Variants in KRT76 observed in about 807,000 individuals in gnomAD.
KRT76 encodes keratin, type II cytoskeletal 2 oral.
Under a neutral mutation model 44.9 loss-of-function variants are expected in KRT76, and 47 were observed. That is an observed-to-expected ratio of 1.05 (90% CI 0.83 to 1.33). KRT76 has a LOEUF of 1.33. Among genes scored for constraint, KRT76 ranks in the 40% most tolerant of loss-of-function variants. The pLI, the probability that KRT76 is intolerant of heterozygous loss-of-function variation, is 0.00. For missense variants in KRT76, 860 were observed against 775.8 expected (o/e 1.11, Z -1.29); for synonymous variants, 331 against 294.1 (o/e 1.13, Z -1.28).
At position 52,776,983 on chromosome 12, in the gene KRT76, A is replaced by G. The variant is rs762044056; in HGVS notation, c.309T>C (p.Gly103=). The change falls in exon 1 of 9, where the codon GGT becomes GGC. Residue 103 remains glycine (G), a synonymous_variant. Transcript: ENST00000332411. ...GYGGGFGGSY[G]GGFGGGRGVG... ...CTCCTCTGCCACCACCAAAGCCACC[A>G]CCATAGCTGCCCCCAAAGCCACCTC... The G allele has an allele frequency of 1.9e-6, 3 of 1,613,644 alleles. No individual in the cohort carries two copies. Among genetic ancestry groups the G allele is most frequent in the Non-Finnish European group, 1.7e-6 (2 of 1,179,822 alleles).
In KRT76 at chr12:52,768,619, A is replaced by G; in HGVS notation, c.*94T>C. On this transcript the variant is annotated 3_prime_UTR_variant, in exon 9 of 9. Transcript: ENST00000332411. Reference sequence around the variant, plus strand: ...GGGAACTTGAGGAAAAATGTGGTTGACCCTTATGCATCTATTGATGCCAAG... The same window carrying G: ...GGGAACTTGAGGAAAAATGTGGTTGGCCCTTATGCATCTATTGATGCCAAG... 11 of 1,394,088 alleles carry G rather than the reference A, an allele frequency of 7.9e-6. No individual in the cohort carries two copies. The highest frequency in any genetic ancestry group is 1.1e-5 in the Non-Finnish European group (11 of 1,027,644). 86.4% of individuals were successfully genotyped at this position (1,394,088 alleles called of 1,614,324 possible).
chr12:52,768,540 TG>T lies in KRT76; in HGVS notation c.*172del. The T allele has an allele frequency of 1.2e-5, 8 of 686,474 alleles. No homozygotes were observed. The highest frequency in any genetic ancestry group is 1.9e-5 in the Non-Finnish European group (8 of 414,270). The allele number at this position is 686,474 out of a possible 1,614,324, so 42.5% of individuals were successfully genotyped here. On this transcript the variant is annotated 3_prime_UTR_variant, in exon 9 of 9. Coordinates refer to ENST00000332411, the MANE Select transcript of KRT76 (RefSeq NM_015848.4). ...TCCCAGACCAGCAGCAGGACCTCCA[TG>T]GCCCTGGGAAGGTCATGGGGATGGA...
chr12:52,774,051 C>T (rs12317074), intron 2 of KRT76, among the ~76,000 whole-genome samples: 26,276 of 152,066 alleles, frequency 0.17, 2,828 homozygotes, highest in African/African-American at 0.3. Flanking sequence ...AGGCTGGTCT[C>T]GAACTGTTGG....
chr12:52,773,501 C>T, intron 3 of KRT76, 81 bp downstream of exon 3: 2 of 986,596 alleles, frequency 2.0e-6, no homozygotes, highest in Non-Finnish European at 3.2e-6. Flanking sequence ...CCCTGTGCCC[C>T]AGAACAGCTG....
At chr12:52,776,439 C>T (rs912063163) in intron 1 of KRT76, among the ~76,000 whole-genome samples, 5 of 152,202 alleles carry the variant, frequency 3.3e-5, no homozygotes, top group African/African-American at 1.2e-4. Flanking sequence ...CATGTTTGGA[C>T]CCCCACTTCA....
Position 52,771,904 on chromosome 12 carries a change from C to T in KRT76, c.1230G>A (p.Arg410=). 6.2e-7 allele frequency: 1 copy of T among 1,614,156 alleles called. No homozygotes were observed. The highest frequency in any genetic ancestry group is 1.3e-5 in the African/African-American group (1 of 75,046). ...TGACATTTTCAATCTCAGCCCGTAG[C>T]CTCTGGATCATCCTGTTGAGCTCCA... is the stretch of plus-strand genomic sequence containing the variant. ...EIMELNRMIQ[R]LRAEIENVKK... The change falls in exon 6 of 9, where the codon AGG becomes AGA. Residue 410 remains arginine (R), a synonymous_variant. Transcript: ENST00000332411.
chr12:52,769,555 A>G lies in KRT76; in HGVS notation c.1513T>C (p.Cys505Arg). Residue 505 changes from cysteine to arginine, a missense_variant, in exon 8 of 9, where the codon TGC (cysteine) becomes CGC (arginine). Coordinates refer to ENST00000332411, the MANE Select transcript of KRT76 (RefSeq NM_015848.4). ...RMSGECQSAV[C>R]ISVVSNVTST... is the part of the protein sequence containing the mutation. ...TTTTGAATGGGCTACTTACAAATGC[A>G]CACGGCACTCTGACATTCTCCAGAC... 1 of 1,613,956 alleles carries G rather than the reference A, an allele frequency of 6.2e-7. No individual in the cohort carries two copies. The highest frequency in any genetic ancestry group is 8.5e-7 in the Non-Finnish European group (1 of 1,179,812).
At position 52,777,181 on chromosome 12, in the gene KRT76, C is replaced by T. The variant is rs576741226; in HGVS notation, c.111G>A (p.Gly37=). The T allele has an allele frequency of 1.2e-6, 2 of 1,614,108 alleles. No individual in the cohort carries two copies. The highest frequency in any genetic ancestry group is 1.1e-5 in the South Asian group (1 of 91,090). Residue 37 remains glycine (G), a synonymous_variant, in exon 1 of 9, where the codon GGG becomes GGA. Transcript: ENST00000332411. ...AGCCACAGGCCCCTCCACCAGCTCC[C>T]CCAGAGCGGGCCACACAGCTCATCC... ...SSRMSCVARS[G]GAGGGACGFR...
intron 7 of KRT76, among the ~76,000 whole-genome samples, chr12:52,770,235 G>A (rs1939158496): frequency 6.6e-6 from 1 of 152,148 alleles, no homozygotes; most frequent in Non-Finnish European, 1.5e-5. Context: ...TAGTACACTT[G>A]ACATCACCTT....
At chr12:52,775,145 C>T (rs1939240855) in intron 2 of KRT76, among the ~76,000 whole-genome samples, 1 of 152,184 alleles carries the variant, frequency 6.6e-6, no homozygotes, top group African/African-American at 2.4e-5. Context: ...TCTGGGAGGA[C>T]TCTTTTGTCC....
rs1192761111 is a variant in KRT76 at position 52,771,066 on chromosome 12, T to G, written c.1417A>C (p.Asn473His). The part of the protein sequence containing the change: ...RLLRDYQELM[N>H]VKLALDVEIA... ...TCCACATCCAGGGCCAGCTTGACGT[T>G]CATCAGCTCCTGGTAGTCACGCAGG... The change falls in exon 7 of 9, where the codon AAC (asparagine) becomes CAC (histidine). Residue 473 changes from asparagine (N) to histidine (H), a missense_variant. By Grantham distance (68) the Asn-to-His change is moderately conservative (BLOSUM62 1). Coordinates refer to ENST00000332411, the MANE Select transcript of KRT76 (RefSeq NM_015848.4). 1.2e-6 allele frequency: 2 copies of G among 1,614,018 alleles called. No individual in the cohort carries two copies. Among genetic ancestry groups the G allele is most frequent in the African/African-American group, 2.7e-5 (2 of 74,912 alleles).
At chr12:52,770,292 A>C (rs978677982) in intron 7 of KRT76, among the ~76,000 whole-genome samples, 1 of 152,126 alleles carries the variant, frequency 6.6e-6, no homozygotes. Context: ...CCTCCATCAG[A>C]TTGGGAGCTA....
chr12:52,772,401 C>A (rs1307374553), intron 4 of KRT76, 143 bp from the exon 5 acceptor site: 1 of 755,410 alleles, frequency 1.3e-6, no homozygotes, highest in East Asian at 2.7e-5. Context: ...CTGGCTACAG[C>A]CTAAAGGATG....
In KRT76 at chr12:52,772,828, G is replaced by C; in HGVS notation, c.927C>G (p.Asp309Glu). The C allele has an allele frequency of 6.2e-7, 1 of 1,614,146 alleles. No homozygotes were observed. The highest frequency in any genetic ancestry group is 8.5e-7 in the Non-Finnish European group (1 of 1,179,974). The stretch of plus-strand genomic sequence containing the variant: ...GGAAGCTGACTTCATCTGTCAGGCT[G>C]TCCACTTTGGCCTGCAGCTCCACCT... ...MNKVELQAKV[D>E]SLTDEVSFLR... The change falls in exon 4 of 9, where the codon GAC becomes GAG. Residue 309 changes from aspartate (D) to glutamate (E), a missense_variant. Asp to Glu is a conservative substitution (Grantham distance 45, BLOSUM62 2). Coordinates refer to ENST00000332411, the MANE Select transcript of KRT76 (RefSeq NM_015848.4).
rs771746097 is a variant in KRT76, at chr12:52,772,080, G to C, written c.1137+14C>G. The C allele has an allele frequency of 6.2e-7, 1 of 1,607,090 alleles. No homozygotes were observed. Among genetic ancestry groups the C allele is most frequent in the South Asian group, 1.1e-5 (1 of 89,762 alleles). On this transcript the variant is annotated intron_variant, in intron 5 of 8. Coordinates refer to ENST00000332411, the MANE Select transcript of KRT76 (RefSeq NM_015848.4). ...AAGGTCATCAGGATCCAAGGACACA[G>C]GGAGGGTTCCCACCTTGGTCTGGTA...
chr12:52,775,655 G>A, intron 1 of KRT76, 53 bp from the exon 2 acceptor site: 4 of 1,420,650 alleles, frequency 2.8e-6, no homozygotes, highest in Non-Finnish European at 3.9e-6. Flanking sequence ...GGCATGTGGG[G>A]CTGCCCATCC....
chr12:52,771,969 T>G lies in KRT76; in HGVS notation c.1165A>C (p.Arg389=). The G allele has an allele frequency of 1.2e-6, 2 of 1,614,140 alleles. No homozygotes were observed. The highest frequency in any genetic ancestry group is 2.2e-5 in the South Asian group (2 of 91,038). Residue 389 remains arginine, a synonymous_variant, in exon 6 of 9, where the codon AGG becomes CGG. Coordinates refer to ENST00000332411, the MANE Select transcript of KRT76 (RefSeq NM_015848.4). ...GTGTTCCTCAGGTCATCCCCATGCC[T>G]GCCAGCTGTGGTCTGCAGCTCCCCA... ...KLGELQTTAG[R]HGDDLRNTKS...
At chr12:52,770,380 T>C (rs1424090276) in intron 7 of KRT76, among the ~76,000 whole-genome samples, 1 of 152,210 alleles carries the variant, frequency 6.6e-6, no homozygotes, top group African/African-American at 2.4e-5. Context: ...CTCTCAATTC[T>C]TGACACTCCT....
At chr12:52,774,597 A>T (rs1939232359) in intron 2 of KRT76, among the ~76,000 whole-genome samples, 1 of 151,844 alleles carries the variant, frequency 6.6e-6, no homozygotes, top group Non-Finnish European at 1.5e-5. Context: ...TCTAGGCAGG[A>T]CCTCTTTTTT....
Sources: allele counts gnomAD v4.1 joint callset (sites outside exome capture counted in the v4.1 genomes callset), GRCh38; gene constraint gnomAD v4.1.1; transcripts MANE v1.5; gene names NCBI Gene and HGNC (gene_info 2026-07-23, HGNC 2026-07-21).